The following HPSE2 variants were observed in gnomAD, a reference collection of about 807,000 sequenced individuals.
The protein encoded by HPSE2 is heparanase 2 (inactive).
A neutral mutation model predicts 60.5 loss-of-function variants in HPSE2; 38 were observed. That is an observed-to-expected ratio of 0.63 (90% confidence interval 0.48 to 0.82). The LOEUF is 0.82. HPSE2 is among the 40% of genes least tolerant of loss of function. The probability of loss-of-function intolerance (pLI) is 0.00; values close to 1 mark genes in which losing one functional copy is unlikely to be tolerated. For synonymous variants in HPSE2, 295 were observed against 293.2 expected (o/e 1.01, Z -0.06); for missense variants, 713 against 740.4 (o/e 0.96, Z 0.43).
intron 10 of HPSE2, among the ~76,000 whole-genome samples, chr10:98,483,460 A>G (rs2133652180): frequency 6.6e-6 from 1 of 152,298 alleles, no homozygotes; most frequent in African/African-American, 2.4e-5. Flanking sequence ...CATGTGTATA[A>G]ACTTTTTGAT....
At chr10:98,678,440 G>A (rs1423852819) in intron 6 of HPSE2, among the ~76,000 whole-genome samples, 3 of 152,114 alleles carry the variant, frequency 2.0e-5, no homozygotes, top group Admixed American at 6.6e-5. Context: ...TCCCATTCCC[G>A]AAGTTTATGG....
intron 5 of HPSE2, among the ~76,000 whole-genome samples, chr10:98,715,111 A>G (rs1052624087): frequency 6.6e-6 from 1 of 151,838 alleles, no homozygotes; most frequent in Non-Finnish European, 1.5e-5. Flanking sequence ...ATGACTTGCA[A>G]ATATTTTCTC....
In HPSE2 at chr10:98,654,182, C is replaced by A. The variant is rs941609667; in HGVS notation, c.1005-12242G>T. ...CTATAATATGCCTGGTTGTAGTTTT[C>A]TTGGAATTTATCCTGCTCAGTGTTC... On this transcript the variant is annotated intron_variant, in intron 6 of 11. Transcript: ENST00000370552. Among the ~76,000 whole-genome samples the A allele has an allele frequency of 1.3e-3, 198 of 152,018 alleles. 2 individuals carry two copies. The highest frequency in any genetic ancestry group is 1.5e-4 in the Non-Finnish European group (10 of 67,964).
intron 2 of HPSE2, among the ~76,000 whole-genome samples, chr10:99,151,044 A>G (rs991630968): frequency 1.3e-5 from 2 of 152,146 alleles, no homozygotes; most frequent in African/African-American, 4.8e-5. Context: ...CTATAAAGAA[A>G]TATCAGTAAC....
chr10:98,791,458 A>G (rs900460900), intron 3 of HPSE2, among the ~76,000 whole-genome samples: 11 of 152,308 alleles, frequency 7.2e-5, no homozygotes, highest in African/African-American at 2.4e-4. Context: ...TGTTTAGCAC[A>G]TCTGCTATAA....
At chr10:99,108,865 T>G (rs1844349811) in intron 3 of HPSE2, among the ~76,000 whole-genome samples, 1 of 152,218 alleles carries the variant, frequency 6.6e-6, no homozygotes. Flanking sequence ...CAATTCATAT[T>G]CTTCCTTCAA....
chr10:98,978,568 TA>T (rs1260553844), intron 3 of HPSE2, among the ~76,000 whole-genome samples: 2 of 152,172 alleles, frequency 1.3e-5, no homozygotes, highest in Admixed American at 1.3e-4. Context: ...TGAAAATAAT[TA>T]CTTACTTCAG....
chr10:98,551,894 T>C (rs1943874854), intron 9 of HPSE2, among the ~76,000 whole-genome samples: 1 of 152,196 alleles, frequency 6.6e-6, no homozygotes, highest in Admixed American at 6.5e-5. Context: ...GATCCTACCC[T>C]AGCCAAAATC....
At chr10:98,520,512 G>T (rs752839769) in intron 9 of HPSE2, among the ~76,000 whole-genome samples, 2 of 152,174 alleles carry the variant, frequency 1.3e-5, no homozygotes, top group Non-Finnish European at 2.9e-5. Context: ...AACCCGTGGG[G>T]ACAGCAGACC....
At chr10:99,298,739 A>C in the HPSE2 span, among the ~76,000 whole-genome samples, 1 of 148,674 alleles carries the variant, frequency 6.7e-6, no homozygotes, top group African/African-American at 2.5e-5. Context: ...CAGTGGCATG[A>C]TCTTGGCTCA....
In HPSE2 at chr10:98,488,573, T is replaced by C. The variant is rs527988449; in HGVS notation, c.1466+1478A>G. Among the ~76,000 whole-genome samples, 10 of 152,312 alleles carry C rather than the reference T, an allele frequency of 6.6e-5. 1 individual carries two copies. In the South Asian group the frequency reaches 2.1e-3, roughly 32 times the overall value. ...GCTAAGCCCATGGCTGCAGATATTT[T>C]TTCCCCCAAGTCCTCAGATTAGCGG... is the stretch of plus-strand genomic sequence containing the variant. On this transcript the variant is annotated intron_variant, in intron 10 of 11. Transcript: ENST00000370552.
intron 3 of HPSE2, among the ~76,000 whole-genome samples, chr10:98,788,479 C>T (rs1046084788): frequency 5.0e-5 from 7 of 139,766 alleles, no homozygotes; most frequent in Admixed American, 4.3e-4. Context: ...CCACCCAGTT[C>T]GAGCTTCCCG....
chr10:99,071,245 CT>C (rs1161983809), intron 3 of HPSE2, among the ~76,000 whole-genome samples: 1 of 151,362 alleles, frequency 6.6e-6, no homozygotes, highest in African/African-American at 2.4e-5. Context: ...AATTTTTGTA[CT>C]TTTAGTAGAG....
chr10:99,147,264 T>C (rs1445844144), intron 2 of HPSE2, among the ~76,000 whole-genome samples: 1 of 152,160 alleles, frequency 6.6e-6, no homozygotes, highest in African/African-American at 2.4e-5. Flanking sequence ...AGAATTACAT[T>C]AAACAATAAA....
chr10:99,058,657 G>T (rs1958167427), intron 3 of HPSE2, among the ~76,000 whole-genome samples: 1 of 152,136 alleles, frequency 6.6e-6, no homozygotes, highest in African/African-American at 2.4e-5. Flanking sequence ...TATATTTTAA[G>T]CAGTAAAAGA....
the HPSE2 span, among the ~76,000 whole-genome samples, chr10:99,296,151 C>G: frequency 6.6e-6 from 1 of 152,172 alleles, no homozygotes; most frequent in South Asian, 2.1e-4. Context: ...CAAAAGACTT[C>G]TATTAAATAC....
At chr10:99,213,024 C>T (rs367658949) in intron 2 of HPSE2, among the ~76,000 whole-genome samples, 2 of 152,002 alleles carry the variant, frequency 1.3e-5, no homozygotes, top group East Asian at 1.9e-4. Flanking sequence ...TAGCATAAGG[C>T]CTGGAATAGG....
chr10:99,013,574 C>CA, intron 3 of HPSE2: 1 of 239,978 alleles, frequency 4.2e-6, no homozygotes, highest in Non-Finnish European at 8.2e-6. Flanking sequence ...CAGGTTCAAG[C>CA]AATTCTCCTG....
Position 98,663,131 on chromosome 10 carries a change from A to G in HPSE2, c.1005-21191T>C, listed in dbSNP as rs560910772. On this transcript the variant is annotated intron_variant, in intron 6 of 11. Transcript: ENST00000370552. Reference sequence around the variant, plus strand: ...CGAAAACACAAAACATGTTCTGGGCATAACGAAAATCAGTTTGATTAGGCC... The same window carrying G: ...CGAAAACACAAAACATGTTCTGGGCGTAACGAAAATCAGTTTGATTAGGCC... 9.2e-5 allele frequency among the ~76,000 whole-genome samples: 14 copies of G among 152,342 alleles called. No individual in the cohort carries two copies. The South Asian group carries it at 2.9e-3, about 32-fold the overall frequency.
Sources: allele counts gnomAD v4.1 joint callset (sites outside exome capture counted in the v4.1 genomes callset), GRCh38; gene constraint gnomAD v4.1.1; transcripts MANE v1.5; gene names NCBI Gene and HGNC (gene_info 2026-07-23, HGNC 2026-07-21).